The following FGF1 variants were observed in gnomAD, a reference collection of about 807,000 sequenced individuals.
FGF1 encodes fibroblast growth factor 1, also known as beta-endothelial cell growth factor.
FGF1 carries 9 observed loss-of-function variants against 13.4 expected under a neutral mutation model. That is an observed-to-expected ratio of 0.67 (90% confidence interval 0.40 to 1.17). FGF1 has a LOEUF of 1.17. FGF1 is among the 50% of genes most tolerant of loss of function. FGF1 has a pLI of 0.01. For synonymous variants in FGF1, 93 were observed against 79.0 expected (o/e 1.18, Z -0.94); for missense variants, 156 against 192.7 (o/e 0.81, Z 1.13).
At chr5:142,654,837 G>C (rs911596578) in intron 1 of FGF1, among the ~76,000 whole-genome samples, 2 of 152,226 alleles carry the variant, frequency 1.3e-5, no homozygotes, top group African/African-American at 4.8e-5. Flanking sequence ...GAGAGAGAAA[G>C]AGGGAGAAGG....
At chr5:142,650,111 C>A (rs150695194) in intron 1 of FGF1, among the ~76,000 whole-genome samples, 142 of 152,290 alleles carry the variant, frequency 9.3e-4, no homozygotes, top group African/African-American at 3.3e-3. Flanking sequence ...TTTTAGGCAT[C>A]TTCCAGTTTG....
Position 142,599,236 on chromosome 5 carries a change from C to T in FGF1, c.273+1466G>A, listed in dbSNP as rs114795076. ...TTTTACTACCACTTGGAAGAACTAC[C>T]TTAAAAAAATCCCCTACTGCCAAAC... On this transcript the variant is annotated intron_variant, in intron 3 of 3. Coordinates refer to ENST00000337706, the MANE Select transcript of FGF1 (RefSeq NM_000800.5). Among the ~76,000 whole-genome samples the T allele has an allele frequency of 8.4e-3, 1,276 of 152,264 alleles. 14 individuals carry two copies. The highest frequency in any genetic ancestry group is 0.03 in the African/African-American group (1,226 of 41,530).
In FGF1 at chr5:142,618,924, G is replaced by GTTTT. The variant is rs1187824250; in HGVS notation, c.-34-4767_-34-4764dup. Among the ~76,000 whole-genome samples the GTTTT allele has an allele frequency of 5.5e-3, 432 of 78,266 alleles. 26 individuals are homozygous for GTTTT. Among genetic ancestry groups the GTTTT allele is most frequent in the African/African-American group, 0.011 (234 of 21,284 alleles). 51.3% of individuals were successfully genotyped at this position (78,266 alleles called of 152,430 possible). The stretch of plus-strand genomic sequence containing the variant: ...AAACACTGACATTTATTTTTTAGTT[G>GTTTT]TTTTGTTTTTTTTTTTTTTTTTTTT... On this transcript the variant is annotated intron_variant, in intron 1 of 3. Coordinates refer to ENST00000337706, the MANE Select transcript of FGF1 (RefSeq NM_000800.5).
chr5:142,650,675 T>TAC (rs533117744), intron 1 of FGF1, among the ~76,000 whole-genome samples: 3,555 of 150,766 alleles, frequency 0.024, 128 homozygotes, highest in African/African-American at 0.079. Flanking sequence ...TGTGTATATA[T>TAC]ACACACACAC....
intron 1 of FGF1, among the ~76,000 whole-genome samples, chr5:142,625,528 C>T (rs1032227582): frequency 6.6e-6 from 1 of 152,150 alleles, no homozygotes; most frequent in Non-Finnish European, 1.5e-5. Context: ...CAGAGTGCTC[C>T]CTGGTGCAAT....
chr5:142,637,174 G>A (rs114538847), intron 1 of FGF1, among the ~76,000 whole-genome samples: 2,311 of 151,964 alleles, frequency 0.015, 43 homozygotes, highest in South Asian at 0.054. Context: ...GCCAGCGCAC[G>A]GTACTGGCAG....
chr5:142,616,092 A>G (rs898015840), intron 1 of FGF1, among the ~76,000 whole-genome samples: 2 of 152,208 alleles, frequency 1.3e-5, no homozygotes, highest in East Asian at 3.9e-4. Flanking sequence ...CCTTCCCTGC[A>G]CTAACCATCC....
chr5:142,669,832 G>A (rs752015342), intron 1 of FGF1, among the ~76,000 whole-genome samples: 3 of 152,298 alleles, frequency 2.0e-5, no homozygotes, highest in Non-Finnish European at 2.9e-5. Flanking sequence ...GAAGCAGACA[G>A]CGGCAGCCAC....
chr5:142,669,557 G>C (rs977250705), intron 1 of FGF1, among the ~76,000 whole-genome samples: 1 of 152,178 alleles, frequency 6.6e-6, no homozygotes, highest in Non-Finnish European at 1.5e-5. Context: ...GAGGTGACTC[G>C]GGCATAGAGG....
intron 2 of FGF1, among the ~76,000 whole-genome samples, chr5:142,696,533 G>A (rs1026070550): frequency 2.0e-5 from 3 of 152,152 alleles, no homozygotes; most frequent in Non-Finnish European, 2.9e-5. Flanking sequence ...GTTCTTGTAC[G>A]GTGCTGTGCT....
At chr5:142,607,281 T>A (rs1757890006) in intron 2 of FGF1, among the ~76,000 whole-genome samples, 1 of 152,136 alleles carries the variant, frequency 6.6e-6, no homozygotes, top group Non-Finnish European at 1.5e-5. Context: ...TCCACTCCCT[T>A]TTTCAATACC....
Position 142,614,065 on chromosome 5 carries a change from C to T in FGF1, c.63G>A (p.Gly21=), listed in dbSNP as rs1222192096. 7.4e-6 allele frequency: 12 copies of T among 1,614,176 alleles called. 1 individual carries two copies. In the South Asian group the frequency reaches 1.3e-4, roughly 18 times the overall value. Residue 21 remains glycine (G), a synonymous_variant, in exon 2 of 4, where the codon GGG becomes GGA. Transcript: ENST00000337706. ...AGAGGAGTTTGGGCTTCTTGTAATTCCCTGGAGGCAGATTAAACTTCTCGG... is the reference window on the plus strand; with the variant it reads ...AGAGGAGTTTGGGCTTCTTGTAATTTCCTGGAGGCAGATTAAACTTCTCGG... The part of the protein sequence containing the change: ...ALTEKFNLPP[G]NYKKPKLLYC...
upstream of FGF1, among the ~76,000 whole-genome samples, chr5:142,686,889 A>G (rs1315149566): frequency 6.6e-6 from 1 of 152,122 alleles, no homozygotes; most frequent in Non-Finnish European, 1.5e-5. Context: ...AAATTCTTCA[A>G]TGGGCCATGG....
chr5:142,652,576 C>T (rs1365296730), intron 1 of FGF1, among the ~76,000 whole-genome samples: 1 of 152,196 alleles, frequency 6.6e-6, no homozygotes, highest in Admixed American at 6.5e-5. Context: ...CCCAGGAGCC[C>T]CATGGTGTTC....
chr5:142,688,900 A>G (rs1751694197), upstream of FGF1, among the ~76,000 whole-genome samples: 1 of 152,248 alleles, frequency 6.6e-6, no homozygotes, highest in Admixed American at 6.5e-5. Context: ...TAGAAGGGCA[A>G]CAAAGGTAGA....
intron 2 of FGF1, among the ~76,000 whole-genome samples, chr5:142,693,068 G>GA (rs60897415): frequency 0.033 from 4,976 of 151,938 alleles, 288 homozygotes; most frequent in African/African-American, 0.11. Context: ...CAGGAAAGAG[G>GA]AAAAAAACTC....
At chr5:142,635,133 G>A (rs2151937579) in intron 1 of FGF1, among the ~76,000 whole-genome samples, 1 of 152,288 alleles carries the variant, frequency 6.6e-6, no homozygotes, top group Non-Finnish European at 1.5e-5. Context: ...CGGGAGACCT[G>A]GCTCCCCCTG....
chr5:142,662,626 T>C lies in FGF1; in HGVS notation c.-35+23331A>G, dbSNP rs866894869. ...GTAAATGGACACAAAAGCCCAGTGA[T>C]GACTGCTGGTCATTCATTCATTCAT... On this transcript the variant is annotated intron_variant, in intron 1 of 3. Transcript: ENST00000337706. 2.8e-5 allele frequency among the ~76,000 whole-genome samples: 4 copies of C among 141,992 alleles called. No homozygotes were observed. The South Asian group carries it at 8.4e-4, about 30-fold the overall frequency. The allele number at this position is 141,992 out of a possible 152,430, so 93.2% of individuals were successfully genotyped here. A position where few individuals can be genotyped will look rare whatever the true frequency, so the allele number is the denominator to read the frequency against.
intron 2 of FGF1, among the ~76,000 whole-genome samples, chr5:142,610,460 C>T (rs1055036726): frequency 7.9e-5 from 12 of 152,156 alleles, no homozygotes; most frequent in African/African-American, 2.2e-4. Context: ...AGACACTCCT[C>T]AATGCTTGTG....
Sources: gnomAD v4.1 joint callset for allele counts (sites outside exome capture counted in the v4.1 genomes callset) on GRCh38, gnomAD v4.1.1 for gene constraint, MANE v1.5 for transcripts, NCBI Gene and HGNC (gene_info 2026-07-23, HGNC 2026-07-21) for gene names.